The following AMMECR1 variants were observed in gnomAD, a reference collection of about 807,000 sequenced individuals.
The protein encoded by AMMECR1 is nuclear protein AMMECR1.
In AMMECR1, 3 loss-of-function variants were observed where a neutral mutation model predicts 22.5. That is an observed-to-expected ratio of 0.13 (90% CI 0.06 to 0.35). The LOEUF is 0.35. AMMECR1 is among the 10% of genes least tolerant of loss of function. The pLI, the probability that AMMECR1 is intolerant of heterozygous loss-of-function variation, is 1.00. For missense variants in AMMECR1, 235 were observed against 278.7 expected, an observed-to-expected ratio of 0.84 and a Z score of 1.12; for synonymous variants, 130 against 116.7, an observed-to-expected ratio of 1.11 and a Z score of -0.74.
intron 2 of AMMECR1, among the ~76,000 whole-genome samples, chrX:110,248,577 A>G (rs1285732689): frequency 8.9e-6 from 1 of 112,067 alleles, no homozygotes; most frequent in Non-Finnish European, 1.9e-5. Context: ...CTGTTTTATG[A>G]TCATTTGTTC....
chrX:110,439,043 G>A (rs2068860362), intron 1 of AMMECR1, among the ~76,000 whole-genome samples: 1 of 111,875 alleles, frequency 8.9e-6, no homozygotes, highest in African/African-American at 3.3e-5. Context: ...GTACCCCTAA[G>A]AATGATTTGG....
At chrX:110,319,821 A>G (rs1037779061), upstream of AMMECR1, among the ~76,000 whole-genome samples, 1 of 112,179 alleles carries the variant, frequency 8.9e-6, no homozygotes, top group African/African-American at 3.2e-5. Flanking sequence ...CCATTATACT[A>G]CATTGCCTCT....
At chrX:110,245,915 A>G (rs1329468871) in intron 2 of AMMECR1, among the ~76,000 whole-genome samples, 1 of 111,979 alleles carries the variant, frequency 8.9e-6, no homozygotes, top group Non-Finnish European at 1.9e-5. Flanking sequence ...TAGGGATTTA[A>G]AAATAATATA....
At chrX:110,222,070 A>G (rs1194083941) in intron 2 of AMMECR1, among the ~76,000 whole-genome samples, 1 of 109,117 alleles carries the variant, frequency 9.2e-6, no homozygotes. Flanking sequence ...TGGAAATACC[A>G]TTTGACCCAG....
At chrX:110,250,391 G>A (rs1441663980) in intron 2 of AMMECR1, among the ~76,000 whole-genome samples, 1 of 111,627 alleles carries the variant, frequency 9.0e-6, no homozygotes. Context: ...AGAAGTCTAA[G>A]GTAGACTGTG....
intron 2 of AMMECR1, among the ~76,000 whole-genome samples, chrX:110,401,769 C>T (rs1049890287): frequency 1.1e-4 from 12 of 112,149 alleles, no homozygotes; most frequent in Admixed American, 8.5e-4. Flanking sequence ...AGTGAGCCTT[C>T]GTTTCCTCCC....
intron 2 of AMMECR1, among the ~76,000 whole-genome samples, chrX:110,336,524 A>AAAAACAAAAC (rs763817741): frequency 9.1e-6 from 1 of 110,250 alleles, no homozygotes. Context: ...TCTCTACTAA[A>AAAAACAAAAC]AAAACAAAAC....
chrX:110,300,693 T>C (rs1289319380), intron 1 of AMMECR1, among the ~76,000 whole-genome samples: 6 of 112,368 alleles, frequency 5.3e-5, no homozygotes, highest in Non-Finnish European at 9.4e-5. Context: ...TTCTACACTA[T>C]AACATACCTA....
intron 2 of AMMECR1, among the ~76,000 whole-genome samples, chrX:110,347,691 G>T (rs983562862): frequency 1.8e-5 from 2 of 112,680 alleles, no homozygotes; most frequent in African/African-American, 3.2e-5. Context: ...TTCTCACAAA[G>T]TATCTTACAA....
Position 110,196,816 on chromosome X carries a change from T to C in AMMECR1, c.*1704A>G, listed in dbSNP as rs1429679020. Reference sequence around the variant, plus strand: ...GAATTTAGCCCATTATCTCACAAACTAGGAAAGGATTTTTGAATTCTGAAC... The same window carrying C: ...GAATTTAGCCCATTATCTCACAAACCAGGAAAGGATTTTTGAATTCTGAAC... On this transcript the variant is annotated 3_prime_UTR_variant, in exon 6 of 6. Coordinates refer to ENST00000262844, the MANE Select transcript of AMMECR1 (RefSeq NM_015365.3). 8.9e-6 allele frequency: 1 copy of C among 111,986 alleles called. No individual in the cohort carries two copies. The highest frequency in any genetic ancestry group is 3.2e-5 in the African/African-American group (1 of 30,841). 9.2% of individuals were successfully genotyped at this position (111,986 alleles called of 1,213,427 possible). A position where few individuals can be genotyped will look rare whatever the true frequency, so the allele number is the denominator to read the frequency against.
intron 5 of AMMECR1, among the ~76,000 whole-genome samples, chrX:110,200,513 GT>G: frequency 8.9e-6 from 1 of 111,979 alleles, no homozygotes; most frequent in South Asian, 3.7e-4. Flanking sequence ...TAGCATTTGA[GT>G]TTAGCTCAAT....
At chrX:110,354,795 A>G (rs2068224124) in intron 2 of AMMECR1, among the ~76,000 whole-genome samples, 2 of 112,172 alleles carry the variant, frequency 1.8e-5, no homozygotes, top group South Asian at 7.4e-4. Context: ...CTGGATATCC[A>G]CATGCAGAAG....
chrX:110,380,628 A>G (rs992834399), intron 2 of AMMECR1, among the ~76,000 whole-genome samples: 1 of 112,507 alleles, frequency 8.9e-6, no homozygotes, highest in Non-Finnish European at 1.9e-5. Context: ...AACGAGCCCA[A>G]ATAGTCAAAG....
intron 2 of AMMECR1, among the ~76,000 whole-genome samples, chrX:110,402,480 A>G (rs1431130606): frequency 8.9e-6 from 1 of 112,798 alleles, no homozygotes; most frequent in Non-Finnish European, 1.9e-5. Flanking sequence ...TCCCCACGGA[A>G]GAGGAAGGCT....
At chrX:110,436,218 C>G (rs2068837714) in intron 1 of AMMECR1, among the ~76,000 whole-genome samples, 2 of 111,685 alleles carry the variant, frequency 1.8e-5, no homozygotes, top group African/African-American at 6.5e-5. Context: ...GTCAGGACTT[C>G]GAAGGCATTT....
At chrX:110,396,304 T>C (rs762026951) in intron 2 of AMMECR1, among the ~76,000 whole-genome samples, 1 of 112,153 alleles carries the variant, frequency 8.9e-6, no homozygotes, top group African/African-American at 3.2e-5. Flanking sequence ...TCACCCAGAT[T>C]CAACATCTAT....
chrX:110,375,556 G>C (rs771238714), intron 2 of AMMECR1, among the ~76,000 whole-genome samples: 4 of 108,371 alleles, frequency 3.7e-5, no homozygotes, highest in African/African-American at 1.4e-4. Flanking sequence ...ATGAATGAAT[G>C]AATGAATCAA....
chrX:110,387,746 A>G (rs2068465803), intron 2 of AMMECR1, among the ~76,000 whole-genome samples: 2 of 111,432 alleles, frequency 1.8e-5, no homozygotes, highest in Non-Finnish European at 3.8e-5. Flanking sequence ...TCTTTCAACA[A>G]TCTGTCTTTA....
intron 1 of AMMECR1, among the ~76,000 whole-genome samples, chrX:110,314,069 TTG>T (rs1163769620): frequency 9.0e-6 from 1 of 111,455 alleles, no homozygotes; most frequent in Admixed American, 9.5e-5. Flanking sequence ...GCCCAACAAT[TTG>T]TGTTTTAACA....
Sources: gnomAD v4.1 joint callset for allele counts (sites outside exome capture counted in the v4.1 genomes callset) on GRCh38, gnomAD v4.1.1 for gene constraint, MANE v1.5 for transcripts, NCBI Gene and HGNC (gene_info 2026-07-23, HGNC 2026-07-21) for gene names.